The following PCLO variants were observed in gnomAD, a reference collection of about 807,000 sequenced individuals.
PCLO encodes piccolo presynaptic cytomatrix protein, also known as protein piccolo.
In PCLO, 82 loss-of-function variants were observed where a neutral mutation model predicts 427.5. The observed-to-expected ratio is 0.19, with a 90% CI of 0.16 to 0.23. The LOEUF is 0.23. PCLO is among the 10% of genes least tolerant of loss of function. The probability of loss-of-function intolerance (pLI) is 1.00; values close to 1 mark genes in which losing one functional copy is unlikely to be tolerated. For missense variants in PCLO, 6,239 were observed against 6,115.9 expected, an observed-to-expected ratio of 1.02 and a Z score of -0.67; for synonymous variants, 2,357 against 2,155.4, an observed-to-expected ratio of 1.09 and a Z score of -2.59.
Position 83,134,312 on chromosome 7 carries a change from T to C in PCLO, c.3238A>G (p.Thr1080Ala). ...SKDPPNFNTC[T>A]ECKNQVCNLC... ...TTACACACTTGATTCTTGCATTCAGTGCAAGTATTGAAGTTAGGAGGATCC... is the reference window on the plus strand; with the variant it reads ...TTACACACTTGATTCTTGCATTCAGCGCAAGTATTGAAGTTAGGAGGATCC... The change falls in exon 3 of 25, where the codon ACT (threonine) becomes GCT (alanine). Residue 1080 changes from threonine to alanine, a missense_variant. By Grantham distance (58) the Thr-to-Ala change is moderately conservative. Transcript: ENST00000333891. 6.2e-7 allele frequency: 1 copy of C among 1,600,250 alleles called. No homozygotes were observed. Among genetic ancestry groups the C allele is most frequent in the South Asian group, 1.1e-5 (1 of 89,184 alleles).
intron 3 of PCLO, among the ~76,000 whole-genome samples, chr7:83,127,428 G>T (rs548062976): frequency 6.6e-6 from 1 of 152,180 alleles, no homozygotes; most frequent in Non-Finnish European, 1.5e-5. Context: ...TCATTAGAAG[G>T]TATGTTTAAA....
At chr7:83,056,962 T>G (rs898540171) in intron 3 of PCLO, among the ~76,000 whole-genome samples, 4 of 152,118 alleles carry the variant, frequency 2.6e-5, no homozygotes, top group African/African-American at 9.7e-5. Context: ...ATCTAACATG[T>G]GCTCTAAACT....
At chr7:83,065,922 T>C (rs1378571910) in intron 3 of PCLO, among the ~76,000 whole-genome samples, 1 of 152,096 alleles carries the variant, frequency 6.6e-6, no homozygotes, top group African/African-American at 2.4e-5. Context: ...CTTCTTGTGG[T>C]TGGTTTTACA....
chr7:82,868,690 T>C (rs1793156541), intron 10 of PCLO, among the ~76,000 whole-genome samples: 1 of 152,192 alleles, frequency 6.6e-6, no homozygotes, highest in East Asian at 1.9e-4. Flanking sequence ...GCTAAATCTA[T>C]AAGCAAACAT....
Position 82,941,320 on chromosome 7 carries a change from T to G in PCLO, c.11112+8156A>C, listed in dbSNP as rs186118945. ...GTACCCACATTTTTAAAAAATAACTTAAAACATTTAGTAAAAGACTCACCT... is the reference window on the plus strand; with the variant it reads ...GTACCCACATTTTTAAAAAATAACTGAAAACATTTAGTAAAAGACTCACCT... On this transcript the variant is annotated intron_variant, in intron 6 of 24. Coordinates refer to ENST00000333891, the MANE Select transcript of PCLO (RefSeq NM_033026.6). Among the ~76,000 whole-genome samples, 451 of 152,286 alleles carry G rather than the reference T, an allele frequency of 3.0e-3. 2 individuals are homozygous for G. Among genetic ancestry groups the G allele is most frequent in the African/African-American group, 0.01 (434 of 41,560 alleles).
chr7:82,986,899 C>A (rs1796267991), intron 3 of PCLO, among the ~76,000 whole-genome samples: 1 of 151,800 alleles, frequency 6.6e-6, no homozygotes, highest in Non-Finnish European at 1.5e-5. Context: ...GAGCCTGTGA[C>A]ATTTCATAGA....
chr7:83,057,652 C>T (rs1031472989), intron 3 of PCLO, among the ~76,000 whole-genome samples: 1 of 151,398 alleles, frequency 6.6e-6, no homozygotes, highest in Non-Finnish European at 1.5e-5. Context: ...TGAGCCACCA[C>T]GCCCGGCCTC....
intron 3 of PCLO, among the ~76,000 whole-genome samples, chr7:83,019,258 A>G (rs1271599361): frequency 6.6e-6 from 1 of 151,986 alleles, no homozygotes; most frequent in Non-Finnish European, 1.5e-5. Flanking sequence ...GCTTAAGTGG[A>G]CCAAATGTAT....
chr7:83,096,704 A>G lies in PCLO; in HGVS notation c.3300+37546T>C, dbSNP rs924887929. The stretch of plus-strand genomic sequence containing the variant: ...TTTAAACAAATAAAGTAAACCAGCA[A>G]GGTAAATAAACCTAAATGGAAAGCT... On this transcript the variant is annotated intron_variant, in intron 3 of 24. Coordinates refer to ENST00000333891, the MANE Select transcript of PCLO (RefSeq NM_033026.6). Among the ~76,000 whole-genome samples, 19 of 137,742 alleles carry G rather than the reference A, an allele frequency of 1.4e-4. No individual in the cohort carries two copies. In the Admixed American group the frequency reaches 1.6e-3, roughly 12 times the overall value. The allele number at this position is 137,742 out of a possible 152,430, so 90.4% of individuals were successfully genotyped here. A position where few individuals can be genotyped will look rare whatever the true frequency, so the allele number is the denominator to read the frequency against.
In PCLO at chr7:82,966,398, T is replaced by A; in HGVS notation, c.3390A>T (p.Ser1130=). The A allele has an allele frequency of 6.2e-7, 1 of 1,613,836 alleles. No individual in the cohort carries two copies. The highest frequency in any genetic ancestry group is 8.5e-7 in the Non-Finnish European group (1 of 1,179,814). The part of the protein sequence containing the change: ...GDIRKMPPAP[S]GPKASPMPVP... ...CAGGCATAGGAGATGCTTTGGGTCC[T>A]GATGGTGCAGGTGGCATTTTGCGTA... The change falls in exon 4 of 25, where the codon TCA becomes TCT. Residue 1130 remains serine, a synonymous_variant. Coordinates refer to ENST00000333891, the MANE Select transcript of PCLO (RefSeq NM_033026.6).
chr7:83,122,012 G>A (rs184657368), intron 3 of PCLO, among the ~76,000 whole-genome samples: 1 of 151,960 alleles, frequency 6.6e-6, no homozygotes, highest in African/African-American at 2.4e-5. Flanking sequence ...ACATACACTA[G>A]TCAATTAATG....
At chr7:82,889,891 T>C (rs1042952397) in intron 9 of PCLO, among the ~76,000 whole-genome samples, 5 of 152,086 alleles carry the variant, frequency 3.3e-5, no homozygotes, top group Admixed American at 6.6e-5. Context: ...CAATGTACTT[T>C]CAACTTTTAG....
chr7:82,905,141 C>T (rs549809121), intron 8 of PCLO, among the ~76,000 whole-genome samples: 10 of 152,154 alleles, frequency 6.6e-5, no homozygotes, highest in South Asian at 2.1e-4. Flanking sequence ...CATTCCTCTC[C>T]CCAAGGGGAT....
intron 3 of PCLO, among the ~76,000 whole-genome samples, chr7:83,069,061 G>A (rs1020319055): frequency 1.3e-5 from 2 of 152,178 alleles, no homozygotes; most frequent in Admixed American, 1.3e-4. Flanking sequence ...GTTAGGGGGT[G>A]TGGGAAATGG....
intron 3 of PCLO, among the ~76,000 whole-genome samples, chr7:83,003,342 T>C (rs557010589): frequency 5.3e-5 from 8 of 151,934 alleles, no homozygotes; most frequent in African/African-American, 1.7e-4. Context: ...CCTGTGTTTA[T>C]AGTCAAGATT....
chr7:83,125,791 G>A (rs373072005), intron 3 of PCLO, among the ~76,000 whole-genome samples: 26 of 152,148 alleles, frequency 1.7e-4, no homozygotes, highest in East Asian at 1.4e-3. Flanking sequence ...AGAGACCTTT[G>A]TTCACATGTT....
At chr7:82,928,183 C>T (rs948298415) in intron 6 of PCLO, among the ~76,000 whole-genome samples, 1 of 152,116 alleles carries the variant, frequency 6.6e-6, no homozygotes, top group African/African-American at 2.4e-5. Context: ...GTTCTTTTAA[C>T]TGATGTCCCA....
intron 10 of PCLO, among the ~76,000 whole-genome samples, chr7:82,859,567 G>A (rs2115902228): frequency 6.6e-6 from 1 of 152,184 alleles, no homozygotes; most frequent in Non-Finnish European, 1.5e-5. Flanking sequence ...GCCCCCTAAA[G>A]CAGACATAGC....
intron 9 of PCLO, among the ~76,000 whole-genome samples, chr7:82,891,173 T>C (rs1793755520): frequency 6.6e-6 from 1 of 152,170 alleles, no homozygotes; most frequent in Non-Finnish European, 1.5e-5. Flanking sequence ...TTTTCACATA[T>C]TGCCAGTGTT....
Sources: allele counts gnomAD v4.1 joint callset (sites outside exome capture counted in the v4.1 genomes callset), GRCh38; gene constraint gnomAD v4.1.1; transcripts MANE v1.5; gene names NCBI Gene and HGNC (gene_info 2026-07-23, HGNC 2026-07-21).